Variants in GPC5 observed in about 807,000 individuals in gnomAD.
GPC5 encodes glypican-5.
Under a neutral mutation model 53.9 loss-of-function variants are expected in GPC5, and 47 were observed. The ratio of observed to expected loss-of-function variants is 0.87; its 90% CI spans 0.69 to 1.11. The LOEUF is 1.11. Ranked by LOEUF, GPC5 falls within the 50% of genes most tolerant of loss-of-function variation. The pLI, the probability that GPC5 is intolerant of heterozygous loss-of-function variation, is 0.00. For missense variants in GPC5, 748 were observed against 713.1 expected, an observed-to-expected ratio of 1.05 and a Z score of -0.56; for synonymous variants, 286 against 263.3, an observed-to-expected ratio of 1.09 and a Z score of -0.84.
intron 6 of GPC5, among the ~76,000 whole-genome samples, chr13:92,024,699 C>G (rs1470369063): frequency 6.6e-6 from 1 of 152,106 alleles, no homozygotes; most frequent in Non-Finnish European, 1.5e-5. Context: ...TGAGATGAAA[C>G]TGTGGAGGCA....
intron 1 of GPC5, among the ~76,000 whole-genome samples, chr13:91,417,479 C>G (rs1878318240): frequency 6.6e-6 from 1 of 152,114 alleles, no homozygotes; most frequent in Non-Finnish European, 1.5e-5. Context: ...AGAAGCTTTG[C>G]AGGCAGAATA....
intron 2 of GPC5, among the ~76,000 whole-genome samples, chr13:91,561,754 A>G (rs533432688): frequency 5.0e-4 from 76 of 152,092 alleles, no homozygotes; most frequent in African/African-American, 1.8e-3. Context: ...TCATCAATTT[A>G]CAATAGATGA....
intron 6 of GPC5, among the ~76,000 whole-genome samples, chr13:92,031,070 C>A (rs963518698): frequency 3.3e-5 from 5 of 152,042 alleles, no homozygotes; most frequent in Non-Finnish European, 7.4e-5. Context: ...CTGGCACATT[C>A]TTTTCTCTTG....
At chr13:92,136,102 T>G (rs2041782116) in intron 6 of GPC5, among the ~76,000 whole-genome samples, 1 of 152,126 alleles carries the variant, frequency 6.6e-6, no homozygotes, top group Non-Finnish European at 1.5e-5. Flanking sequence ...GGAAAGGGAA[T>G]TATGCTCTAA....
chr13:92,037,035 C>A (rs1240261109), intron 6 of GPC5, among the ~76,000 whole-genome samples: 2 of 152,144 alleles, frequency 1.3e-5, no homozygotes, highest in Non-Finnish European at 2.9e-5. Flanking sequence ...TAATTCAATT[C>A]ATGCCATTTA....
At chr13:92,129,383 AAAGTGGGAAT>A (rs2041725419) in intron 6 of GPC5, among the ~76,000 whole-genome samples, 2 of 152,216 alleles carry the variant, frequency 1.3e-5, no homozygotes, top group South Asian at 4.1e-4. Flanking sequence ...TCATTAGAGA[AAAGTGGGAAT>A]ACATTCTAAA....
At chr13:92,547,433 T>C (rs1882158059) in intron 7 of GPC5, among the ~76,000 whole-genome samples, 1 of 152,234 alleles carries the variant, frequency 6.6e-6, no homozygotes. Flanking sequence ...CTGTTTATTT[T>C]CAGCTGACTT....
At chr13:92,166,546 AG>A (rs144413070) in intron 7 of GPC5, among the ~76,000 whole-genome samples, 5,824 of 151,742 alleles carry the variant, frequency 0.038, 248 homozygotes, top group African/African-American at 0.099. Context: ...CCATTGTCAA[AG>A]GTAGTTTCAT....
At chr13:91,474,775 TAAG>T (rs1882837577) in intron 2 of GPC5, among the ~76,000 whole-genome samples, 1 of 152,062 alleles carries the variant, frequency 6.6e-6, no homozygotes, top group African/African-American at 2.4e-5. Flanking sequence ...TTTTATTAAA[TAAG>T]AAAATTTTTG....
intron 1 of GPC5, among the ~76,000 whole-genome samples, chr13:91,433,517 A>C (rs1328335054): frequency 6.6e-6 from 1 of 152,138 alleles, no homozygotes; most frequent in Admixed American, 6.5e-5. Flanking sequence ...ATGTCCCTGC[A>C]AAGGACATGA....
At chr13:91,486,131 A>T (rs1235564993) in intron 2 of GPC5, 1 of 148,568 alleles carries the variant, frequency 6.7e-6, no homozygotes, top group Non-Finnish European at 1.5e-5. Flanking sequence ...TTTCACAGCT[A>T]CTATAATGTT....
At chr13:92,024,207 T>C (rs543242577) in intron 6 of GPC5, among the ~76,000 whole-genome samples, 1 of 152,268 alleles carries the variant, frequency 6.6e-6, no homozygotes, top group South Asian at 2.1e-4. Flanking sequence ...ATCCATCCAT[T>C]TTCACTCATA....
In GPC5 at chr13:92,107,433, G is replaced by A. The variant is rs369001464; in HGVS notation, c.1402-37397G>A. Among the ~76,000 whole-genome samples, 3 of 152,054 alleles carry A rather than the reference G, an allele frequency of 2.0e-5. No individual in the cohort carries two copies. The East Asian group carries it at 5.8e-4, about 29-fold the overall frequency. ...TTAAGGAACATCGACTTTTCTCAGT[G>A]TTGGGGCACTTGAAAGAGTTCTTAA... On this transcript the variant is annotated intron_variant, in intron 6 of 7. Transcript: ENST00000377067.
intron 7 of GPC5, among the ~76,000 whole-genome samples, chr13:92,290,341 A>G (rs1028613694): frequency 7.9e-5 from 12 of 152,114 alleles, no homozygotes; most frequent in Non-Finnish European, 1.6e-4. Context: ...TTATTTATTT[A>G]TTTAATTTCC....
intron 2 of GPC5, among the ~76,000 whole-genome samples, chr13:91,466,296 G>A (rs747622827): frequency 6.6e-6 from 1 of 152,160 alleles, no homozygotes; most frequent in Non-Finnish European, 1.5e-5. Context: ...TGCGCTGTAT[G>A]TAAGTCCTAT....
intron 7 of GPC5, among the ~76,000 whole-genome samples, chr13:92,384,221 G>A (rs1460474939): frequency 2.0e-5 from 3 of 151,892 alleles, no homozygotes; most frequent in East Asian, 3.9e-4. Flanking sequence ...AGGAAATGGG[G>A]CAGCTATTTG....
intron 7 of GPC5, among the ~76,000 whole-genome samples, chr13:92,385,405 TATAC>T (rs1566567336): frequency 7.3e-5 from 5 of 68,278 alleles, no homozygotes; most frequent in Admixed American, 2.1e-4. Context: ...TATACACATA[TATAC>T]ACATATATAT....
chr13:91,441,155 C>T (rs1880391890), intron 1 of GPC5, among the ~76,000 whole-genome samples: 1 of 152,164 alleles, frequency 6.6e-6, no homozygotes, highest in Non-Finnish European at 1.5e-5. Context: ...CTTTTGTCCA[C>T]TCTCTAGGGC....
At chr13:91,673,925 C>A (rs1048020847) in intron 2 of GPC5, among the ~76,000 whole-genome samples, 9 of 152,056 alleles carry the variant, frequency 5.9e-5, no homozygotes, top group Admixed American at 4.6e-4. Context: ...GCATTGTTGT[C>A]TTTTCCATTA....
Sources: gnomAD v4.1 joint callset for allele counts (sites outside exome capture counted in the v4.1 genomes callset) on GRCh38, gnomAD v4.1.1 for gene constraint, MANE v1.5 for transcripts, NCBI Gene and HGNC (gene_info 2026-07-23, HGNC 2026-07-21) for gene names.